The following SSBP3 variants were observed in gnomAD, a reference collection of about 807,000 sequenced individuals.
SSBP3 encodes single stranded DNA binding protein 3.
A neutral mutation model predicts 69.6 loss-of-function variants in SSBP3; 5 were observed. The ratio of observed to expected loss-of-function variants is 0.07; its 90% CI spans 0.04 to 0.15. The LOEUF (loss-of-function observed/expected upper bound fraction) is 0.15, where lower values mean the gene tolerates loss of function less well. Ranked by LOEUF, SSBP3 falls within the 10% of genes least tolerant of loss-of-function variation. The pLI, the probability that SSBP3 is intolerant of heterozygous loss-of-function variation, is 1.00. For missense variants in SSBP3, 312 were observed against 534.0 expected (o/e 0.58, Z 4.10); for synonymous variants, 196 against 193.4 (o/e 1.01, Z -0.11).
chr1:54,325,387 C>G (rs1380169316), intron 4 of SSBP3: 1 of 167,180 alleles, frequency 6.0e-6, no homozygotes, highest in African/African-American at 2.4e-5. Context: ...GCCCAAGCAT[C>G]ATGGGATTCA....
chr1:54,233,998 A>G (rs1204223296), intron 14 of SSBP3, among the ~76,000 whole-genome samples: 3 of 152,124 alleles, frequency 2.0e-5, no homozygotes, highest in Non-Finnish European at 2.9e-5. Flanking sequence ...TTTGTTCTGC[A>G]CTAAGAAAAA....
rs1168389193 is a variant in SSBP3, at chr1:54,258,728, G to A, written c.367-579C>T. ...CGGGGGCACCGACAGATAAACAACA[G>A]AGGCAAGAGGAGCAAGGGGCACCAC... On this transcript the variant is annotated intron_variant, in intron 5 of 17. Coordinates refer to ENST00000610401, the Ensembl canonical transcript of SSBP3. The surrounding 1 kb of genome is among the most constrained non-coding windows in gnomAD (Gnocchi z 4.5). Among the ~76,000 whole-genome samples the A allele has an allele frequency of 2.6e-5, 4 of 152,172 alleles. No individual in the cohort carries two copies. Among genetic ancestry groups the A allele is most frequent in the Admixed American group, 2.6e-4 (4 of 15,272 alleles).
chr1:54,383,680 G>A (rs936860442), intron 4 of SSBP3, among the ~76,000 whole-genome samples: 3 of 152,122 alleles, frequency 2.0e-5, no homozygotes, highest in African/African-American at 7.2e-5. Context: ...AGCTATGAGG[G>A]AGAGAGAGAA....
chr1:54,271,225 C>T (rs997287184), intron 5 of SSBP3, among the ~76,000 whole-genome samples: 1 of 152,182 alleles, frequency 6.6e-6, no homozygotes, highest in Non-Finnish European at 1.5e-5. Context: ...ATCCTCCCAC[C>T]TCAGCCTCCA....
At chr1:54,372,041 A>G (rs1647144252) in intron 4 of SSBP3, among the ~76,000 whole-genome samples, 1 of 152,198 alleles carries the variant, frequency 6.6e-6, no homozygotes, top group South Asian at 2.1e-4. Context: ...CCACTAGTTA[A>G]TGAGTATCTC....
intron 14 of SSBP3, among the ~76,000 whole-genome samples, chr1:54,233,693 C>T (rs1313307806): frequency 7.5e-5 from 11 of 146,364 alleles, no homozygotes; most frequent in African/African-American, 1.0e-4. Context: ...CCCGGCCAGC[C>T]GCCCCGTCTG....
chr1:54,412,124 C>G (rs1362526417), intron 1 of SSBP3, among the ~76,000 whole-genome samples: 1 of 152,096 alleles, frequency 6.6e-6, no homozygotes, highest in Non-Finnish European at 1.5e-5. Flanking sequence ...TCATTTCCTC[C>G]AGGTCAAATC....
At chr1:54,338,269 C>T (rs1262307653) in intron 4 of SSBP3, among the ~76,000 whole-genome samples, 1 of 152,242 alleles carries the variant, frequency 6.6e-6, no homozygotes, top group Non-Finnish European at 1.5e-5. Context: ...GATATGCTTG[C>T]CTTGCATATG....
intron 4 of SSBP3, among the ~76,000 whole-genome samples, chr1:54,365,226 G>A (rs889846683): frequency 6.6e-6 from 1 of 152,188 alleles, no homozygotes; most frequent in Non-Finnish European, 1.5e-5. Context: ...GTGCCATGCG[G>A]TGAAGCAATC....
chr1:54,356,975 G>C (rs7532677), intron 4 of SSBP3, among the ~76,000 whole-genome samples: 2 of 152,056 alleles, frequency 1.3e-5, no homozygotes, highest in African/African-American at 4.8e-5. Context: ...CAGTCTCACC[G>C]CTGGGGGTAG....
chr1:54,310,141 A>G (rs1351792498), intron 4 of SSBP3, among the ~76,000 whole-genome samples: 3 of 152,186 alleles, frequency 2.0e-5, no homozygotes, highest in African/African-American at 7.2e-5. Flanking sequence ...GGTGAACACC[A>G]TCTGCCCGGC....
intron 4 of SSBP3, among the ~76,000 whole-genome samples, chr1:54,320,800 C>G (rs192008892): frequency 2.8e-4 from 43 of 152,266 alleles, no homozygotes; most frequent in Non-Finnish European, 5.7e-4. Flanking sequence ...AATCCACACA[C>G]GGAAGCTTCT....
chr1:54,327,141 T>G (rs1424692634), intron 4 of SSBP3, among the ~76,000 whole-genome samples: 1 of 151,442 alleles, frequency 6.6e-6, no homozygotes, highest in Non-Finnish European at 1.5e-5. Flanking sequence ...CACCCAAAAG[T>G]GACACATTCT....
Position 54,239,041 on chromosome 1 carries a change from C to A in SSBP3, c.927+88G>T, listed in dbSNP as rs368668866. ...ATCTTTGGTAACAAATGGCTGAAATCAATTAAACTTGCTTTCCCCTCAGCT... is the reference window on the plus strand; with the variant it reads ...ATCTTTGGTAACAAATGGCTGAAATAAATTAAACTTGCTTTCCCCTCAGCT... On this transcript the variant is annotated intron_variant, in intron 14 of 17. Coordinates refer to ENST00000610401, the Ensembl canonical transcript of SSBP3. The A allele has an allele frequency of 3.5e-4, 383 of 1,106,724 alleles. 1 individual carries two copies. The South Asian group carries it at 3.7e-3, about 11-fold the overall frequency. 68.6% of individuals were successfully genotyped at this position (1,106,724 alleles called of 1,614,324 possible). A position where few individuals can be genotyped will look rare whatever the true frequency, so the allele number is the denominator to read the frequency against.
At chr1:54,293,432 C>G (rs2018903) in intron 4 of SSBP3, among the ~76,000 whole-genome samples, 93,980 of 152,030 alleles carry the variant, frequency 0.62, 30,188 homozygotes, top group East Asian at 0.85. Flanking sequence ...CCATCCCCTA[C>G]TCATGCCACC....
At chr1:54,294,257 T>G (rs1207390565) in intron 4 of SSBP3, among the ~76,000 whole-genome samples, 1 of 151,648 alleles carries the variant, frequency 6.6e-6, no homozygotes, top group Non-Finnish European at 1.5e-5. Flanking sequence ...ACTCTAAGAC[T>G]AGCTATCTCC....
chr1:54,243,345 A>G, intron 9 of SSBP3, 46 bp from the exon 10 acceptor site: 1 of 1,607,428 alleles, frequency 6.2e-7, no homozygotes, highest in Non-Finnish European at 8.5e-7. Flanking sequence ...AGGGAACCGG[A>G]GACAGGAGGA....
chr1:54,360,367 C>T (rs375535137), intron 4 of SSBP3, among the ~76,000 whole-genome samples: 2 of 152,224 alleles, frequency 1.3e-5, no homozygotes, highest in Non-Finnish European at 2.9e-5. Flanking sequence ...AATACTGGCA[C>T]ACGATAGGCA....
chr1:54,235,448 ATT>A lies in SSBP3; in HGVS notation c.927+3679_927+3680del, dbSNP rs71580002. 7.5e-3 allele frequency among the ~76,000 whole-genome samples: 525 copies of A among 69,830 alleles called. 11 individuals are homozygous for A. The highest frequency in any genetic ancestry group is 0.025 in the African/African-American group (386 of 15,198). The allele number at this position is 69,830 out of a possible 152,430, so 45.8% of individuals were successfully genotyped here. On this transcript the variant is annotated intron_variant, in intron 14 of 17. Coordinates refer to ENST00000610401, the Ensembl canonical transcript of SSBP3. ...AGGCGTGTACCACCATGCCCGGCTG[ATT>A]TTTTTTTTTTTTTTTTTTTTTTTGA...
Sources: gnomAD v4.1 joint callset for allele counts (sites outside exome capture counted in the v4.1 genomes callset) on GRCh38, gnomAD v4.1.1 for gene constraint, Gnocchi (gnomAD v3.1) non-coding constraint, MANE v1.5 for transcripts, NCBI Gene and HGNC (gene_info 2026-07-23, HGNC 2026-07-21) for gene names.